SPAG16: variants seen among roughly 807,000 people sequenced by gnomAD.
SPAG16 encodes sperm-associated antigen 16 protein.
In SPAG16, 86 loss-of-function variants were observed where a neutral mutation model predicts 80.4. That is an observed-to-expected ratio of 1.07 (90% CI 0.90 to 1.28). The LOEUF is 1.28. SPAG16 is among the 50% of genes most tolerant of loss of function. The probability of loss-of-function intolerance (pLI) is 0.00; values close to 1 mark genes in which losing one functional copy is unlikely to be tolerated. For missense variants in SPAG16, 870 were observed against 765.3 expected (o/e 1.14, Z -1.61); for synonymous variants, 294 against 265.9 (o/e 1.11, Z -1.03).
At chr2:214,014,150 AAT>A (rs2047467729) in intron 13 of SPAG16, 73 bp downstream of exon 13, 1 of 1,561,714 alleles carries the variant, frequency 6.4e-7, no homozygotes, top group Admixed American at 1.8e-5. Context: ...TTGGGTATGG[AAT>A]ATGACTTAAA....
At chr2:213,663,166 G>C (rs901231155) in intron 10 of SPAG16, among the ~76,000 whole-genome samples, 4 of 152,024 alleles carry the variant, frequency 2.6e-5, no homozygotes, top group African/African-American at 7.2e-5. Context: ...ACATCTGCCA[G>C]TTCACAGAAG....
At chr2:214,336,007 T>C (rs1576812106) in intron 15 of SPAG16, among the ~76,000 whole-genome samples, 1 of 152,132 alleles carries the variant, frequency 6.6e-6, no homozygotes, top group East Asian at 1.9e-4. Context: ...TCCACCCGCC[T>C]TGGCCTCCCA....
At chr2:213,499,100 G>A (rs565530528) in intron 10 of SPAG16, among the ~76,000 whole-genome samples, 1 of 151,504 alleles carries the variant, frequency 6.6e-6, no homozygotes, top group African/African-American at 2.4e-5. Context: ...TTTTTTTCTA[G>A]TTCTATTGTG....
At chr2:213,818,152 A>G (rs1189056929) in intron 10 of SPAG16, among the ~76,000 whole-genome samples, 1 of 152,264 alleles carries the variant, frequency 6.6e-6, no homozygotes, top group African/African-American at 2.4e-5. Flanking sequence ...CTCCATAGGA[A>G]TCTCATCAAA....
At position 213,368,263 on chromosome 2, in the gene SPAG16, C is replaced by T. The variant is rs1027616562; in HGVS notation, c.832+4118C>T. On this transcript the variant is annotated intron_variant, in intron 8 of 15. Coordinates refer to ENST00000331683, the MANE Select transcript of SPAG16 (RefSeq NM_024532.5). ...TTCTTTTTGCTTAGGATTGTCTTGG[C>T]TATGTAGGCTCTTTTTTGGATCCAT... Among the ~76,000 whole-genome samples, 48 of 152,104 alleles carry T rather than the reference C, an allele frequency of 3.2e-4. 1 individual carries two copies. The highest frequency in any genetic ancestry group is 6.3e-3 in the Middle Eastern group (2 of 316).
chr2:213,683,006 T>C (rs1002590598), intron 10 of SPAG16, among the ~76,000 whole-genome samples: 1 of 152,194 alleles, frequency 6.6e-6, no homozygotes, highest in African/African-American at 2.4e-5. Context: ...GGCTTAAGTA[T>C]GGCATCTCAA....
chr2:214,210,357 G>A (rs189793418), intron 15 of SPAG16, among the ~76,000 whole-genome samples: 1 of 152,162 alleles, frequency 6.6e-6, no homozygotes, highest in Admixed American at 6.6e-5. Flanking sequence ...GATGAACCAT[G>A]TAGCCTAGAA....
chr2:214,285,330 G>GTT (rs1016584015), intron 15 of SPAG16, among the ~76,000 whole-genome samples: 1 of 151,002 alleles, frequency 6.6e-6, no homozygotes, highest in Non-Finnish European at 1.5e-5. Context: ...TTGAGGTTTT[G>GTT]TTTTTTTTCA....
intron 10 of SPAG16, among the ~76,000 whole-genome samples, chr2:213,779,074 A>G (rs973415746): frequency 2.0e-5 from 3 of 152,190 alleles, no homozygotes; most frequent in East Asian, 3.9e-4. Context: ...GCCTTCATCT[A>G]TTTCAATCCT....
chr2:213,697,944 T>A (rs982379694), intron 10 of SPAG16, among the ~76,000 whole-genome samples: 1 of 152,182 alleles, frequency 6.6e-6, no homozygotes, highest in African/African-American at 2.4e-5. Context: ...TATTATTTCC[T>A]TCTCATCTCT....
chr2:213,433,107 A>C (rs1357534537), intron 9 of SPAG16, among the ~76,000 whole-genome samples: 1 of 152,186 alleles, frequency 6.6e-6, no homozygotes, highest in Non-Finnish European at 1.5e-5. Context: ...CATATCTTCT[A>C]TAATAATAAA....
chr2:214,282,148 C>T (rs182738227), intron 15 of SPAG16, among the ~76,000 whole-genome samples: 62 of 152,216 alleles, frequency 4.1e-4, no homozygotes, highest in African/African-American at 1.5e-3. Flanking sequence ...TATATGTGTA[C>T]ATTTTATTGC....
At chr2:213,812,584 T>C (rs556595466) in intron 10 of SPAG16, among the ~76,000 whole-genome samples, 11 of 152,324 alleles carry the variant, frequency 7.2e-5, no homozygotes, top group African/African-American at 2.6e-4. Flanking sequence ...AGTGCATTAG[T>C]TCATGAGAGA....
chr2:213,914,095 G>A (rs2077833292), intron 11 of SPAG16, among the ~76,000 whole-genome samples: 1 of 152,038 alleles, frequency 6.6e-6, no homozygotes, highest in Non-Finnish European at 1.5e-5. Flanking sequence ...CATAAAATTA[G>A]CTATCACCAT....
chr2:213,492,564 A>T (rs1398069426), intron 10 of SPAG16, among the ~76,000 whole-genome samples: 1 of 151,962 alleles, frequency 6.6e-6, no homozygotes. Flanking sequence ...AACAAAAAAA[A>T]ACAACCAAAA....
At chr2:213,288,853 G>A (rs1159290449) in intron 1 of SPAG16, among the ~76,000 whole-genome samples, 1 of 151,988 alleles carries the variant, frequency 6.6e-6, no homozygotes. Context: ...CTTATCACTG[G>A]AACTTAATTT....
At chr2:213,378,831 CTG>C (rs1009127125) in intron 9 of SPAG16, among the ~76,000 whole-genome samples, 3 of 152,206 alleles carry the variant, frequency 2.0e-5, no homozygotes, top group Non-Finnish European at 4.4e-5. Flanking sequence ...CCTGCCCAGA[CTG>C]TGATGTTGTA....
chr2:214,195,712 A>C lies in SPAG16; in HGVS notation c.1720+46446A>C, dbSNP rs150378713. Among the ~76,000 whole-genome samples, 63 of 152,116 alleles carry C rather than the reference A, an allele frequency of 4.1e-4. No homozygotes were observed. In the East Asian group the frequency reaches 0.011, roughly 28 times the overall value. On this transcript the variant is annotated intron_variant, in intron 15 of 15. Transcript: ENST00000331683. ...AGACTGGGCAAAAGTAGAAAACAGA[A>C]TCAGGAGGGAAATCAGCAGTTCATG...
At chr2:214,179,665 A>G (rs2057246829) in intron 15 of SPAG16, among the ~76,000 whole-genome samples, 1 of 151,488 alleles carries the variant, frequency 6.6e-6, no homozygotes, top group South Asian at 2.1e-4. Flanking sequence ...TCTCAATAGA[A>G]TAGATATGAA....
Sources: allele counts gnomAD v4.1 joint callset (sites outside exome capture counted in the v4.1 genomes callset), GRCh38; gene constraint gnomAD v4.1.1; transcripts MANE v1.5; gene names NCBI Gene and HGNC (gene_info 2026-07-23, HGNC 2026-07-21).